SAMD4A: variants seen among roughly 807,000 people sequenced by gnomAD.
SAMD4A encodes the protein protein Smaug homolog 1.
In SAMD4A, 33 loss-of-function variants were observed where a neutral mutation model predicts 81.3. The ratio of observed to expected loss-of-function variants is 0.41; its 90% CI spans 0.31 to 0.54. The LOEUF is 0.54. Among genes scored for constraint, SAMD4A ranks in the 20% least tolerant of loss-of-function variants. The pLI is 0.37. For missense variants in SAMD4A, 854 were observed against 951.1 expected, an observed-to-expected ratio of 0.90 and a Z score of 1.34; for synonymous variants, 389 against 382.1, an observed-to-expected ratio of 1.02 and a Z score of -0.21.
At chr14:54,708,870 A>G (rs1490533894) in intron 3 of SAMD4A, among the ~76,000 whole-genome samples, 2 of 152,192 alleles carry the variant, frequency 1.3e-5, no homozygotes, top group Non-Finnish European at 2.9e-5. Context: ...ATGACTCCAA[A>G]GAGATTGGAG....
chr14:54,779,370 T>A (rs2038942275), intron 11 of SAMD4A, among the ~76,000 whole-genome samples: 1 of 152,252 alleles, frequency 6.6e-6, no homozygotes, highest in Non-Finnish European at 1.5e-5. Context: ...TATCATACAA[T>A]GCAGTGTTTT....
At chr14:54,770,625 C>G (rs1379946417) in intron 9 of SAMD4A, among the ~76,000 whole-genome samples, 5 of 152,194 alleles carry the variant, frequency 3.3e-5, no homozygotes, top group Non-Finnish European at 7.3e-5. Context: ...TTTCCCCCTT[C>G]GTGCTGTAGA....
At chr14:54,628,239 A>G (rs1448307428) in intron 2 of SAMD4A, among the ~76,000 whole-genome samples, 1 of 151,992 alleles carries the variant, frequency 6.6e-6, no homozygotes, top group Non-Finnish European at 1.5e-5. Context: ...AGGTGGGAGG[A>G]CTGAGGCCGA....
chr14:54,602,187 A>G (rs978487918), intron 2 of SAMD4A, among the ~76,000 whole-genome samples: 8 of 152,288 alleles, frequency 5.3e-5, no homozygotes, highest in Admixed American at 1.3e-4. Flanking sequence ...TACTTGGGAC[A>G]TCTTTCCAAG....
chr14:54,776,347 C>T, intron 10 of SAMD4A, 67 bp from the exon 11 acceptor site: 1 of 1,507,066 alleles, frequency 6.6e-7, no homozygotes, highest in Non-Finnish European at 8.9e-7. Context: ...CAAATTCTTG[C>T]TGGCGGCTCT....
chr14:54,576,634 G>T (rs887751169), intron 2 of SAMD4A, among the ~76,000 whole-genome samples: 6 of 152,250 alleles, frequency 3.9e-5, no homozygotes, highest in African/African-American at 1.4e-4. Context: ...ATCTGATGGG[G>T]CAGTGGGAAA....
At chr14:54,603,826 G>A (rs80221679) in intron 2 of SAMD4A, among the ~76,000 whole-genome samples, 9,641 of 149,922 alleles carry the variant, frequency 0.064, 402 homozygotes, top group East Asian at 0.16. Flanking sequence ...TTGTTTATTT[G>A]TTTATTTATT....
At chr14:54,701,737 G>C (rs555181937) in intron 2 of SAMD4A, among the ~76,000 whole-genome samples, 6 of 152,194 alleles carry the variant, frequency 3.9e-5, no homozygotes, top group Non-Finnish European at 7.3e-5. Context: ...TGTCTATCAG[G>C]GGGTAGGCTA....
chr14:54,702,359 G>A lies in SAMD4A; in HGVS notation c.494G>A (p.Arg165His), dbSNP rs144215410. Residue 165 changes from arginine to histidine, a missense_variant, in exon 3 of 13, where the codon CGC becomes CAC. Transcript: ENST00000554335. ...AGCTTTGGTGGCCAGAACCGAGGCC[G>A]CTCAGACTCTGTGGATTATGGACAG... ...STSFGGQNRG[R>H]SDSVDYGQTH... 33 of 1,614,036 alleles carry A rather than the reference G, an allele frequency of 2.0e-5. No individual in the cohort carries two copies. The highest frequency in any genetic ancestry group is 9.3e-5 in the African/African-American group (7 of 74,926).
chr14:54,643,243 C>T (rs963090335), intron 2 of SAMD4A, among the ~76,000 whole-genome samples: 1 of 152,250 alleles, frequency 6.6e-6, no homozygotes, highest in African/African-American at 2.4e-5. Context: ...GAAAAGCATA[C>T]ACCTTTCCAA....
intron 4 of SAMD4A, among the ~76,000 whole-genome samples, chr14:54,739,055 C>CTTTTTTTT (rs3051648): frequency 0.043 from 4,129 of 96,772 alleles, 208 homozygotes; most frequent in African/African-American, 0.062. Flanking sequence ...CTTTCCTTTT[C>CTTTTTTTT]TTTTTTTTTT....
In SAMD4A at chr14:54,635,660, A is replaced by C. The variant is rs2035018226; in HGVS notation, c.197-66402A>C. Reference sequence around the variant, plus strand: ...CTACTTGGGAGGCTGAGGCAAGAGAATCACTTGAACCCAGGAGGTGGAGTT... The same window carrying C: ...CTACTTGGGAGGCTGAGGCAAGAGACTCACTTGAACCCAGGAGGTGGAGTT... On this transcript the variant is annotated intron_variant, in intron 2 of 12. Coordinates refer to ENST00000554335, the MANE Select transcript of SAMD4A (RefSeq NM_015589.6). Among the ~76,000 whole-genome samples the C allele has an allele frequency of 4.6e-5, 7 of 151,980 alleles. 1 individual carries two copies. The South Asian group carries it at 1.5e-3, about 32-fold the overall frequency.
rs2038811632 is a variant in SAMD4A at position 54,775,201 on chromosome 14, C to G, written c.1917+66C>G. 6 of 1,582,240 alleles carry G rather than the reference C, an allele frequency of 3.8e-6. No homozygotes were observed. In the South Asian group the frequency reaches 6.7e-5, roughly 18 times the overall value. On this transcript the variant is annotated intron_variant, in intron 10 of 12. Coordinates refer to ENST00000554335, the MANE Select transcript of SAMD4A (RefSeq NM_015589.6). ...AAGGCCCAAGGCTGCAGATGTCCCC[C>G]CAGGTGACCCCAGGGTGGGGAGAGA... is the stretch of plus-strand genomic sequence containing the variant.
chr14:54,724,040 G>GGAAGGAAGGAAGGAAGGAAGAAA (rs1344485748), intron 3 of SAMD4A, among the ~76,000 whole-genome samples: 2 of 150,890 alleles, frequency 1.3e-5, no homozygotes, highest in African/African-American at 4.9e-5. Context: ...AAGGAAGGAA[G>GGAAGGAAGGAAGGAAGGAAGAAA]GAAGGAAGGA....
intron 11 of SAMD4A, among the ~76,000 whole-genome samples, chr14:54,781,726 G>T (rs1057432116): frequency 2.6e-5 from 4 of 152,210 alleles, no homozygotes; most frequent in Non-Finnish European, 4.4e-5. Context: ...CCACAGCAAG[G>T]GTTGGCCTGG....
At chr14:54,698,284 T>C (rs2036624411) in intron 2 of SAMD4A, among the ~76,000 whole-genome samples, 1 of 152,260 alleles carries the variant, frequency 6.6e-6, no homozygotes, top group Non-Finnish European at 1.5e-5. Flanking sequence ...ATTACATATT[T>C]GTATGCATTT....
intron 2 of SAMD4A, among the ~76,000 whole-genome samples, chr14:54,657,020 T>TA (rs2035536304): frequency 6.6e-6 from 1 of 152,192 alleles, no homozygotes; most frequent in Non-Finnish European, 1.5e-5. Flanking sequence ...ACAACTATTT[T>TA]ACAGTGGAAG....
rs1189881013 is a variant in SAMD4A at position 54,768,598 on chromosome 14, G to T, written c.1597-1506G>T. ...GAATAAGCCAGTCAAAAGCAGAAAT[G>T]ATCCCCTCTCGCTGTTAGTCCAGCA... On this transcript the variant is annotated intron_variant, in intron 8 of 12. Coordinates refer to ENST00000554335, the MANE Select transcript of SAMD4A (RefSeq NM_015589.6). 3.9e-5 allele frequency among the ~76,000 whole-genome samples: 6 copies of T among 152,190 alleles called. 1 individual carries two copies. Among genetic ancestry groups the T allele is most frequent in the African/African-American group, 1.4e-4 (6 of 41,450 alleles).
intron 2 of SAMD4A, among the ~76,000 whole-genome samples, chr14:54,653,358 G>C (rs1241683668): frequency 1.4e-5 from 2 of 146,564 alleles, no homozygotes; most frequent in Non-Finnish European, 3.0e-5. Flanking sequence ...ATTATTTGAG[G>C]CAGAGTCTCG....
Sources: allele counts gnomAD v4.1 joint callset (sites outside exome capture counted in the v4.1 genomes callset), GRCh38; gene constraint gnomAD v4.1.1; transcripts MANE v1.5; gene names NCBI Gene and HGNC (gene_info 2026-07-23, HGNC 2026-07-21).